The following FAAH2 variants were observed in gnomAD, a reference collection of about 807,000 sequenced individuals.
FAAH2 encodes fatty-acid amide hydrolase 2.
A neutral mutation model predicts 36.9 loss-of-function variants in FAAH2; 60 were observed. The observed-to-expected ratio is 1.63, with a 90% confidence interval of 1.32 to 2.02. The LOEUF is 2.02. Among genes scored for constraint, FAAH2 ranks in the 30% most tolerant of loss-of-function variants. The pLI, the probability that FAAH2 is intolerant of heterozygous loss-of-function variation, is 0.00. For synonymous variants in FAAH2, 214 were observed against 143.8 expected, an observed-to-expected ratio of 1.49 and a Z score of -3.49; for missense variants, 689 against 397.5, an observed-to-expected ratio of 1.73 and a Z score of -6.23.
At chrX:57,190,825 C>T in the FAAH2 span, among the ~76,000 whole-genome samples, 3 of 110,515 alleles carry the variant, frequency 2.7e-5, no homozygotes, top group Admixed American at 9.6e-5. Context: ...GCTGCAGACC[C>T]GAGCTGTTAA....
At chrX:57,449,456 C>T (rs1295260074) in intron 10 of FAAH2, among the ~76,000 whole-genome samples, 6 of 112,029 alleles carry the variant, frequency 5.4e-5, no homozygotes, top group African/African-American at 1.6e-4. Flanking sequence ...AACTTATTTC[C>T]TATCTAGGAA....
chrX:57,164,574 T>C, the FAAH2 span, among the ~76,000 whole-genome samples: 3 of 112,119 alleles, frequency 2.7e-5, no homozygotes, highest in African/African-American at 9.7e-5. Flanking sequence ...TCCAATTCCC[T>C]GTAAAAGGCT....
intron 10 of FAAH2, among the ~76,000 whole-genome samples, chrX:57,453,906 G>C (rs1263612275): frequency 2.7e-5 from 3 of 111,991 alleles, no homozygotes; most frequent in Non-Finnish European, 5.6e-5. Flanking sequence ...TTGTTCCACA[G>C]GGCCAGCCTG....
At chrX:57,391,936 C>G (rs1324485579) in intron 7 of FAAH2, among the ~76,000 whole-genome samples, 1 of 110,176 alleles carries the variant, frequency 9.1e-6, no homozygotes, top group African/African-American at 3.3e-5. Context: ...AGTGATACTT[C>G]CAGTCCATGA....
chrX:57,375,592 G>A (rs1220509169), intron 5 of FAAH2, among the ~76,000 whole-genome samples: 1 of 109,863 alleles, frequency 9.1e-6, no homozygotes, highest in Non-Finnish European at 1.9e-5. Context: ...ATTTCTAATT[G>A]AGCTTCTTTT....
the FAAH2 span, chrX:57,126,794 A>G: frequency 8.9e-6 from 1 of 111,804 alleles, no homozygotes; most frequent in Non-Finnish European, 1.9e-5. Context: ...TCAATTAAGC[A>G]TCATAGTATG....
intron 5 of FAAH2, among the ~76,000 whole-genome samples, chrX:57,342,483 A>G (rs1368523394): frequency 9.0e-6 from 1 of 111,607 alleles, no homozygotes; most frequent in Non-Finnish European, 1.9e-5. Flanking sequence ...ACGTTTACCT[A>G]TGTAACAAAC....
the FAAH2 span, among the ~76,000 whole-genome samples, chrX:57,183,989 T>A: frequency 8.1e-5 from 9 of 110,802 alleles, no homozygotes; most frequent in Non-Finnish European, 1.7e-4. Context: ...GACTGAGATA[T>A]GCCCTGGTCT....
In FAAH2 at chrX:57,448,738, A is replaced by T; in HGVS notation, c.1423+20A>T. 1 of 1,152,343 alleles carries T rather than the reference A, an allele frequency of 8.7e-7. No individual in the cohort carries two copies. The highest frequency in any genetic ancestry group is 1.2e-6 in the Non-Finnish European group (1 of 849,993). The allele number at this position is 1,152,343 out of a possible 1,213,427, so 95.0% of individuals were successfully genotyped here. On this transcript the variant is annotated intron_variant, in intron 10 of 10. Transcript: ENST00000374900. ...ACACAGGTACCTAATTGTATTCCTTACATTCTGTAATCTTAAAGAAATAGA... is the reference window on the plus strand; with the variant it reads ...ACACAGGTACCTAATTGTATTCCTTTCATTCTGTAATCTTAAAGAAATAGA...
At chrX:57,216,800 T>A in the FAAH2 span, among the ~76,000 whole-genome samples, 1 of 105,033 alleles carries the variant, frequency 9.5e-6, no homozygotes, top group Non-Finnish European at 2.0e-5. Context: ...GTTGTGGGAT[T>A]GCTGGATCAA....
the FAAH2 span, among the ~76,000 whole-genome samples, chrX:57,123,819 T>G: frequency 4.4e-4 from 50 of 112,479 alleles, no homozygotes; most frequent in African/African-American, 1.5e-3. Context: ...AAGTGTCTGT[T>G]CATATCCTTT....
chrX:57,422,232 C>T (rs1353097639), intron 7 of FAAH2, among the ~76,000 whole-genome samples: 2 of 111,908 alleles, frequency 1.8e-5, no homozygotes, highest in Non-Finnish European at 3.8e-5. Context: ...CTCCAGGATC[C>T]ATCTGTTTTC....
chrX:57,268,514 G>C, the FAAH2 span, among the ~76,000 whole-genome samples: 3 of 110,761 alleles, frequency 2.7e-5, no homozygotes, highest in African/African-American at 9.8e-5. Flanking sequence ...CCAGTAACAT[G>C]CTCCACAGAA....
the FAAH2 span, among the ~76,000 whole-genome samples, chrX:57,244,442 C>T: frequency 2.7e-5 from 3 of 111,134 alleles, no homozygotes; most frequent in African/African-American, 6.6e-5. Flanking sequence ...GGCACATAAT[C>T]GTCAGATTCA....
intron 10 of FAAH2, among the ~76,000 whole-genome samples, chrX:57,454,976 A>G (rs1313778791): frequency 9.0e-6 from 1 of 111,381 alleles, no homozygotes; most frequent in Non-Finnish European, 1.9e-5. Flanking sequence ...ACACAAGATG[A>G]CAAACCGGAA....
At chrX:57,188,243 G>A in the FAAH2 span, among the ~76,000 whole-genome samples, 2 of 111,507 alleles carry the variant, frequency 1.8e-5, no homozygotes, top group East Asian at 5.7e-4. Flanking sequence ...TTCAGAACTT[G>A]TTATTGGTCT....
intron 7 of FAAH2, among the ~76,000 whole-genome samples, chrX:57,401,396 G>A (rs1020887274): frequency 2.7e-5 from 3 of 111,395 alleles, no homozygotes; most frequent in Non-Finnish European, 3.8e-5. Flanking sequence ...GTACAGGGAT[G>A]CAGAAAAAGG....
intron 7 of FAAH2, among the ~76,000 whole-genome samples, chrX:57,403,484 T>C (rs1398464786): frequency 8.9e-6 from 1 of 112,881 alleles, no homozygotes; most frequent in African/African-American, 3.2e-5. Flanking sequence ...TGGGCTGGGT[T>C]CCTGAGTATT....
At chrX:57,305,174 C>T (rs1211311560) in intron 2 of FAAH2, among the ~76,000 whole-genome samples, 4 of 110,456 alleles carry the variant, frequency 3.6e-5, no homozygotes, top group African/African-American at 1.3e-4. Flanking sequence ...ACTCCTGGAA[C>T]TTTGTCTGCA....
Sources: gnomAD v4.1 joint callset for allele counts (sites outside exome capture counted in the v4.1 genomes callset) on GRCh38, gnomAD v4.1.1 for gene constraint, MANE v1.5 for transcripts, NCBI Gene and HGNC (gene_info 2026-07-23, HGNC 2026-07-21) for gene names.